The following KIAA0825 variants were observed in gnomAD, a reference collection of about 807,000 sequenced individuals.
KIAA0825 encodes KIAA0825.
Under a neutral mutation model 147.6 loss-of-function variants are expected in KIAA0825, and 119 were observed. That is an observed-to-expected ratio of 0.81 (90% CI 0.69 to 0.94). KIAA0825 has a LOEUF of 0.94. Ranked by LOEUF, KIAA0825 falls within the 40% of genes least tolerant of loss-of-function variation. The pLI is 0.00. For synonymous variants in KIAA0825, 470 were observed against 518.1 expected, an observed-to-expected ratio of 0.91 and a Z score of 1.26; for missense variants, 1,381 against 1,472.7, an observed-to-expected ratio of 0.94 and a Z score of 1.02.
chr5:94,215,259 A>G (rs755309534), intron 20 of KIAA0825, among the ~76,000 whole-genome samples: 20 of 152,218 alleles, frequency 1.3e-4, no homozygotes, highest in Non-Finnish European at 2.4e-4. Flanking sequence ...GAAGCTAATG[A>G]AAGTAGTAAA....
intron 20 of KIAA0825, among the ~76,000 whole-genome samples, chr5:94,370,105 G>T (rs1254378248): frequency 2.0e-5 from 3 of 151,764 alleles, no homozygotes; most frequent in Non-Finnish European, 4.4e-5. Context: ...TCCTTTAAAA[G>T]GTGAATAGAT....
chr5:94,601,327 C>T (rs553580780), intron 1 of KIAA0825, among the ~76,000 whole-genome samples: 9 of 152,158 alleles, frequency 5.9e-5, no homozygotes, highest in East Asian at 3.9e-4. Flanking sequence ...ACTGCAGCAG[C>T]GCTATGGGAA....
At chr5:94,168,266 C>G (rs1768250838) in intron 20 of KIAA0825, among the ~76,000 whole-genome samples, 1 of 152,050 alleles carries the variant, frequency 6.6e-6, no homozygotes, top group African/African-American at 2.4e-5. Context: ...TGCAAGAATT[C>G]AAATGACTGT....
chr5:94,238,817 A>G (rs1775199875), intron 20 of KIAA0825, among the ~76,000 whole-genome samples: 1 of 152,106 alleles, frequency 6.6e-6, no homozygotes, highest in African/African-American at 2.4e-5. Flanking sequence ...TACATAGCTT[A>G]GGTAAGCATG....
At chr5:94,490,786 TA>T (rs1277063290) in intron 5 of KIAA0825, among the ~76,000 whole-genome samples, 2 of 152,154 alleles carry the variant, frequency 1.3e-5, no homozygotes, top group African/African-American at 4.8e-5. Flanking sequence ...ATTATACACT[TA>T]AAGGTGTTAA....
At chr5:94,417,459 G>A (rs1753613961) in intron 14 of KIAA0825, 94 bp from the exon 15 acceptor site, 2 of 950,408 alleles carry the variant, frequency 2.1e-6, no homozygotes, top group East Asian at 5.4e-5. Flanking sequence ...GCATAATGCT[G>A]TGGAAATGGT....
intron 15 of KIAA0825, 139 bp from the exon 16 acceptor site, chr5:94,403,932 A>G (rs1751711213): frequency 3.1e-6 from 2 of 635,540 alleles, no homozygotes; most frequent in Admixed American, 3.0e-5. Context: ...AAATCATATG[A>G]TTGATAACCA....
At chr5:94,497,350 G>T (rs947559271) in intron 5 of KIAA0825, among the ~76,000 whole-genome samples, 16 of 152,108 alleles carry the variant, frequency 1.1e-4, no homozygotes, top group African/African-American at 3.6e-4. Flanking sequence ...TTTCATTTGC[G>T]TATTGCCCTC....
At chr5:94,233,651 G>T (rs2150090069) in intron 20 of KIAA0825, among the ~76,000 whole-genome samples, 1 of 152,274 alleles carries the variant, frequency 6.6e-6, no homozygotes. Flanking sequence ...TTGCAGCAGG[G>T]GTTGCATGGT....
chr5:94,274,336 T>A (rs1454225535), intron 20 of KIAA0825, among the ~76,000 whole-genome samples: 1 of 152,152 alleles, frequency 6.6e-6, no homozygotes, highest in African/African-American at 2.4e-5. Flanking sequence ...AAAAAAGTAG[T>A]GAAAGGGTTT....
At chr5:94,170,816 T>A (rs901409411) in intron 20 of KIAA0825, among the ~76,000 whole-genome samples, 1 of 152,162 alleles carries the variant, frequency 6.6e-6, no homozygotes, top group Admixed American at 6.5e-5. Flanking sequence ...CTGCCTATCA[T>A]ACCAGCCCCA....
At chr5:94,550,067 T>C (rs543828173) in intron 2 of KIAA0825, among the ~76,000 whole-genome samples, 2 of 151,978 alleles carry the variant, frequency 1.3e-5, no homozygotes, top group Non-Finnish European at 2.9e-5. Context: ...TCTTCAGCCA[T>C]AAAAAAGAAC....
chr5:94,490,474 A>G (rs1176548265), intron 5 of KIAA0825, among the ~76,000 whole-genome samples: 5 of 152,148 alleles, frequency 3.3e-5, no homozygotes, highest in African/African-American at 1.2e-4. Context: ...AATAGAAAGC[A>G]TGTGCAAAAG....
At chr5:94,179,831 A>G (rs181185672) in intron 20 of KIAA0825, among the ~76,000 whole-genome samples, 1 of 152,260 alleles carries the variant, frequency 6.6e-6, no homozygotes, top group Non-Finnish European at 1.5e-5. Flanking sequence ...TAACCAAATA[A>G]TAAAATAAAT....
chr5:94,166,064 C>T (rs981516036), intron 20 of KIAA0825, among the ~76,000 whole-genome samples: 1 of 151,996 alleles, frequency 6.6e-6, no homozygotes, highest in Non-Finnish European at 1.5e-5. Context: ...TACCAATTCC[C>T]CATGATGTGC....
intron 10 of KIAA0825, among the ~76,000 whole-genome samples, chr5:94,466,736 CAAAAAAAAAAAAAA>C (rs56785201): frequency 4.9e-5 from 3 of 61,374 alleles, no homozygotes; most frequent in Non-Finnish European, 9.1e-5. Flanking sequence ...GACTGTGTCT[CAAAAAAAAAAAAAA>C]AAAAAAAAAA....
chr5:94,239,600 A>G (rs940291736), intron 20 of KIAA0825, among the ~76,000 whole-genome samples: 3 of 152,200 alleles, frequency 2.0e-5, no homozygotes, highest in South Asian at 2.1e-4. Context: ...ACGTTTGCCA[A>G]TGGAAATTTC....
intron 20 of KIAA0825, among the ~76,000 whole-genome samples, chr5:94,342,125 G>C (rs1475857306): frequency 6.6e-6 from 1 of 152,066 alleles, no homozygotes; most frequent in Non-Finnish European, 1.5e-5. Flanking sequence ...GAACCTGGGA[G>C]GCGGAGCTTG....
At chr5:94,559,914 C>CT (rs1777255651) in intron 2 of KIAA0825, among the ~76,000 whole-genome samples, 2 of 152,146 alleles carry the variant, frequency 1.3e-5, no homozygotes, top group Non-Finnish European at 2.9e-5. Flanking sequence ...GCAAAGCTGT[C>CT]TTTTTTGAGG....
Sources: allele counts gnomAD v4.1 joint callset (sites outside exome capture counted in the v4.1 genomes callset), GRCh38; gene constraint gnomAD v4.1.1; transcripts MANE v1.5; gene names NCBI Gene and HGNC (gene_info 2026-07-23, HGNC 2026-07-21).